Variants in PAX6 observed in about 807,000 individuals in gnomAD.
PAX6 encodes the protein paired box 6, also known as paired box protein Pax-6.
A neutral mutation model predicts 60.7 loss-of-function variants in PAX6; 7 were observed. That is an observed-to-expected ratio of 0.12 (90% confidence interval 0.07 to 0.22). PAX6 has a LOEUF of 0.22. Ranked by LOEUF, PAX6 falls within the 10% of genes least tolerant of loss-of-function variation. PAX6 has a pLI of 1.00. For missense variants in PAX6, 355 were observed against 555.2 expected, an observed-to-expected ratio of 0.64 and a Z score of 3.62; for synonymous variants, 208 against 201.2, an observed-to-expected ratio of 1.03 and a Z score of -0.29.
At position 31,796,920 on chromosome 11, in the gene PAX6, C is replaced by G. The variant is rs7123260; in HGVS notation, c.566-2132G>C. On this transcript the variant is annotated intron_variant, in intron 8 of 13. Transcript: ENST00000640368. The stretch of plus-strand genomic sequence containing the variant: ...AGCTGAGGGAGACGCGCTCCGCTCA[C>G]GTGTGCGGGCACAAGCGTCTGTGCT... Among the ~76,000 whole-genome samples the G allele has an allele frequency of 1.6e-3, 244 of 152,150 alleles. 1 individual carries two copies. Among genetic ancestry groups the G allele is most frequent in the South Asian group, 7.1e-3 (34 of 4,798 alleles).
In PAX6 at chr11:31,789,492, TA is replaced by T; in HGVS notation, c.*441del. On this transcript the variant is annotated 3_prime_UTR_variant, in exon 14 of 14. Transcript: ENST00000640368. ...AAACTTGGAACATCAGTCCATAAACTATGAACAGATGGGTAGAAGTATTCGA... is the reference window on the plus strand; with the variant it reads ...AAACTTGGAACATCAGTCCATAAACTTGAACAGATGGGTAGAAGTATTCGA... 2 of 562,514 alleles carry T rather than the reference TA, an allele frequency of 3.6e-6. No individual in the cohort carries two copies. Among genetic ancestry groups the T allele is most frequent in the East Asian group, 5.8e-5 (2 of 34,642 alleles). 34.8% of individuals were successfully genotyped at this position (562,514 alleles called of 1,614,324 possible). A position where few individuals can be genotyped will look rare whatever the true frequency, so the allele number is the denominator to read the frequency against.
At chr11:31,806,268 G>T in intron 4 of PAX6, 134 bp downstream of exon 4, 1 of 1,010,276 alleles carries the variant, frequency 9.9e-7, no homozygotes, top group Non-Finnish European at 1.4e-6. Context: ...GCGGGGAGCA[G>T]CCGCCGCAGG....
At chr11:31,794,577 G>A in intron 9 of PAX6, 53 bp downstream of exon 9, 1 of 1,575,942 alleles carries the variant, frequency 6.3e-7, no homozygotes, top group Non-Finnish European at 8.7e-7. Flanking sequence ...TTGTACTGAA[G>A]ATGTGGCATT....
intron 8 of PAX6, 40 bp downstream of exon 8, chr11:31,800,651 C>T: frequency 1.9e-6 from 3 of 1,610,830 alleles, no homozygotes; most frequent in Non-Finnish European, 2.5e-6. Context: ...CAAAGGGATG[C>T]ACATATGGAG....
chr11:31,812,613 G>C (rs1957161048), upstream of PAX6: 1 of 152,402 alleles, frequency 6.6e-6, no homozygotes. Flanking sequence ...CTGCAGTTAA[G>C]GTGACAGGAG....
Position 31,790,858 on chromosome 11 carries a change from G to A in PAX6, c.1077C>T (p.Pro359=), listed in dbSNP as rs1256179513. 6.2e-7 allele frequency: 1 copy of A among 1,613,990 alleles called. No individual in the cohort carries two copies. The highest frequency in any genetic ancestry group is 8.5e-7 in the Non-Finnish European group (1 of 1,179,968). ...ATGAGGAGGTCTGGCTGGGGACTGG[G>A]GGCTGTGAGGAGAGAGGCAAACCTG... The part of the protein sequence containing the change: ...FTMANNLPMQ[P]PVPSQTSSYS... The change falls in exon 13 of 14, where the codon CCC becomes CCT. Residue 359 remains proline (P), a splice_region_variant and synonymous_variant. Coordinates refer to ENST00000640368, the MANE Select transcript of PAX6 (RefSeq NM_001368894.2).
intron 1 of PAX6, among the ~76,000 whole-genome samples, chr11:31,817,364 G>C (rs888593217): frequency 3.3e-5 from 5 of 152,252 alleles, no homozygotes; most frequent in Admixed American, 6.5e-5. Context: ...CCCGACCCGC[G>C]GCAGGGTGTC....
chr11:31,817,652 C>T (rs185552635), intron 1 of PAX6, among the ~76,000 whole-genome samples: 21 of 152,382 alleles, frequency 1.4e-4, no homozygotes, highest in African/African-American at 5.0e-4. Flanking sequence ...ATCCCTCCCT[C>T]AGTAACTCGC....
intron 8 of PAX6, 82 bp downstream of exon 8, chr11:31,800,609 G>A: frequency 6.6e-7 from 1 of 1,516,052 alleles, no homozygotes; most frequent in South Asian, 1.1e-5. Context: ...TGGAAGCCCT[G>A]AGAGGAAATG....
intron 1 of PAX6, chr11:31,816,528 GGGT>G: frequency 1.4e-6 from 1 of 702,608 alleles, no homozygotes; most frequent in Non-Finnish European, 2.6e-6. Flanking sequence ...GAGGATGGCT[GGGT>G]TTGATTTATG....
chr11:31,813,710 A>C (rs1164597573), upstream of PAX6, among the ~76,000 whole-genome samples: 1 of 152,160 alleles, frequency 6.6e-6, no homozygotes, highest in Admixed American at 6.5e-5. Flanking sequence ...CACAAACAAA[A>C]AACAAAAAGG....
At chr11:31,800,643 A>G in intron 8 of PAX6, 48 bp downstream of exon 8, 1 of 1,607,748 alleles carries the variant, frequency 6.2e-7, no homozygotes, top group Non-Finnish European at 8.5e-7. Flanking sequence ...GGGACAGGCA[A>G]AGGGATGCAC....
chr11:31,815,546 ATGGC>A (rs1477698431), upstream of PAX6, among the ~76,000 whole-genome samples: 1 of 152,116 alleles, frequency 6.6e-6, no homozygotes, highest in African/African-American at 2.4e-5. Flanking sequence ...AGCAAATGTC[ATGGC>A]TGGCTCGCTC....
chr11:31,796,520 G>A (rs1951589975), intron 8 of PAX6, among the ~76,000 whole-genome samples: 1 of 150,098 alleles, frequency 6.7e-6, no homozygotes, highest in South Asian at 2.1e-4. Flanking sequence ...GGGGGAGGCA[G>A]GGAGAGTGGA....
chr11:31,815,024 C>CTCTCTT (rs1033982106), upstream of PAX6: 1 of 149,760 alleles, frequency 6.7e-6, no homozygotes, highest in Non-Finnish European at 1.5e-5. Flanking sequence ...CTCTCTCTCT[C>CTCTCTT]TCTCTTTCTC....
At position 31,798,832 on chromosome 11, in the gene PAX6, C is replaced by A. The variant is rs529071863; in HGVS notation, c.565+1859G>T. Reference sequence around the variant, plus strand: ...AGACTGCCGGCGACGAAAATCCGCCCGAATCGGGCGCCACCTCTGGTGGAA... The same window carrying A: ...AGACTGCCGGCGACGAAAATCCGCCAGAATCGGGCGCCACCTCTGGTGGAA... On this transcript the variant is annotated intron_variant, in intron 8 of 13. Transcript: ENST00000640368. 5.5e-4 allele frequency among the ~76,000 whole-genome samples: 84 copies of A among 152,348 alleles called. No homozygotes were observed. In the Middle Eastern group the frequency reaches 0.014, roughly 25 times the overall value.
Position 31,789,972 on chromosome 11 carries a change from C to A in PAX6, c.1273G>T (p.Glu425Ter). The A allele has an allele frequency of 6.4e-7, 1 of 1,554,582 alleles. No individual in the cohort carries two copies. Among genetic ancestry groups the A allele is most frequent in the South Asian group, 1.1e-5 (1 of 89,124 alleles). Residue 425 changes from glutamate (E) to a stop codon, truncating the protein, a stop_gained, in exon 14 of 14, where the codon GAA (glutamate) becomes TAA (stop). Coordinates refer to ENST00000640368, the MANE Select transcript of PAX6 (RefSeq NM_001368894.2). LOFTEE classifies it high-confidence loss of function. ...VSVPVQVPGS[E>*]PDMSQYWPRL... ...GGCCAGTATTGAGACATATCAGGTTCACTTCCGGGAACTTGAACTGGAACT... is the reference window on the plus strand; with the variant it reads ...GGCCAGTATTGAGACATATCAGGTTAACTTCCGGGAACTTGAACTGGAACT...
intron 5 of PAX6, chr11:31,802,405 C>A (rs1954297043): frequency 2.5e-6 from 1 of 408,010 alleles, no homozygotes; most frequent in Non-Finnish European, 4.4e-6. Flanking sequence ...ACTGTTCCCA[C>A]AATGAATGTC....
chr11:31,806,316 G>C (rs1955788264), intron 4 of PAX6, 86 bp downstream of exon 4: 1 of 1,485,408 alleles, frequency 6.7e-7, no homozygotes, highest in Non-Finnish European at 9.2e-7. Context: ...GGGCCAGCGC[G>C]GGCGTCGCGA....
Sources: gnomAD v4.1 joint callset for allele counts (sites outside exome capture counted in the v4.1 genomes callset) on GRCh38, gnomAD v4.1.1 for gene constraint, MANE v1.5 for transcripts, NCBI Gene and HGNC (gene_info 2026-07-23, HGNC 2026-07-21) for gene names.